The following SYCP1 variants were observed in gnomAD, a reference collection of about 807,000 sequenced individuals.
The protein encoded by SYCP1 is synaptonemal complex protein 1.
A neutral mutation model predicts 153.1 loss-of-function variants in SYCP1; 64 were observed. The ratio of observed to expected loss-of-function variants is 0.42; its 90% CI spans 0.34 to 0.51. SYCP1 has a LOEUF of 0.51. SYCP1 is among the 20% of genes least tolerant of loss of function. The probability of loss-of-function intolerance (pLI) is 0.06; values close to 1 mark genes in which losing one functional copy is unlikely to be tolerated. For synonymous variants in SYCP1, 384 were observed against 341.8 expected (o/e 1.12, Z -1.36); for missense variants, 997 against 1,049.0 (o/e 0.95, Z 0.68).
At chr1:114,957,736 A>G (rs1671530023) in intron 27 of SYCP1, among the ~76,000 whole-genome samples, 1 of 152,234 alleles carries the variant, frequency 6.6e-6, no homozygotes, top group African/African-American at 2.4e-5. Flanking sequence ...ACAATGAGAT[A>G]TAACCTCACA....
At chr1:114,909,495 T>TACACACAC (rs57520899) in intron 16 of SYCP1, among the ~76,000 whole-genome samples, 57 of 106,494 alleles carry the variant, frequency 5.4e-4, no homozygotes, top group East Asian at 3.4e-3. Context: ...TCCCTTGCTG[T>TACACACAC]ACACACACAC....
intron 23 of SYCP1, among the ~76,000 whole-genome samples, chr1:114,942,012 A>G (rs1670423278): frequency 6.6e-6 from 1 of 152,112 alleles, no homozygotes; most frequent in African/African-American, 2.4e-5. Context: ...TACTGAGAAT[A>G]TTTAGAATTG....
chr1:114,927,877 G>A (rs1266783487), intron 23 of SYCP1, among the ~76,000 whole-genome samples: 1 of 152,196 alleles, frequency 6.6e-6, no homozygotes, highest in Admixed American at 6.5e-5. Flanking sequence ...GGAGTGTGCA[G>A]TGGAGTGATC....
At chr1:114,991,748 G>A (rs905808602) in intron 30 of SYCP1, among the ~76,000 whole-genome samples, 4 of 151,708 alleles carry the variant, frequency 2.6e-5, no homozygotes, top group African/African-American at 7.3e-5. Context: ...TAAGAATGAG[G>A]CAGGGTGCCC....
In SYCP1 at chr1:114,860,829, T is replaced by G. The variant is rs1043338786; in HGVS notation, c.598+20T>G. The stretch of plus-strand genomic sequence containing the variant: ...AGAAATGTAAATATCTTTCTTGTTT[T>G]ATGTGATTTTATCAATTTATTTTAC... On this transcript the variant is annotated intron_variant, in intron 8 of 31. Transcript: ENST00000369522. The G allele has an allele frequency of 6.5e-7, 1 of 1,529,838 alleles. No individual in the cohort carries two copies. Among genetic ancestry groups the G allele is most frequent in the Admixed American group, 2.1e-5 (1 of 48,138 alleles). The allele number at this position is 1,529,838 out of a possible 1,614,324, so 94.8% of individuals were successfully genotyped here.
At chr1:114,858,796 T>A in intron 6 of SYCP1, 85 bp downstream of exon 6, 1 of 1,174,064 alleles carries the variant, frequency 8.5e-7, no homozygotes, top group Non-Finnish European at 1.2e-6. Flanking sequence ...TGGGATAAAT[T>A]GGATTGATCT....
chr1:114,948,082 A>G (rs1194252526), intron 27 of SYCP1, among the ~76,000 whole-genome samples: 2 of 152,030 alleles, frequency 1.3e-5, no homozygotes, highest in African/African-American at 2.4e-5. Context: ...AATATACTGT[A>G]TATGAGTAAT....
At chr1:114,940,422 A>G (rs1400821766) in intron 23 of SYCP1, among the ~76,000 whole-genome samples, 1 of 152,178 alleles carries the variant, frequency 6.6e-6, no homozygotes, top group African/African-American at 2.4e-5. Context: ...TTCTTAGATC[A>G]TTAATTTTCA....
At chr1:114,928,762 T>TA (rs979584215) in intron 23 of SYCP1, among the ~76,000 whole-genome samples, 4 of 152,198 alleles carry the variant, frequency 2.6e-5, no homozygotes, top group African/African-American at 9.7e-5. Flanking sequence ...AGTACAATAT[T>TA]AACACTTAAA....
chr1:114,921,094 C>G (rs1348447060), intron 20 of SYCP1, among the ~76,000 whole-genome samples: 1 of 151,676 alleles, frequency 6.6e-6, no homozygotes, highest in East Asian at 1.9e-4. Flanking sequence ...AGGCAATTTT[C>G]TTTGGTGGTA....
intron 16 of SYCP1, among the ~76,000 whole-genome samples, chr1:114,900,745 A>G (rs1285904622): frequency 1.3e-5 from 2 of 152,222 alleles, no homozygotes; most frequent in African/African-American, 4.8e-5. Context: ...GGAGCAGCTA[A>G]GGTTTGACTT....
intron 11 of SYCP1, 90 bp from the exon 12 acceptor site, chr1:114,878,004 A>T (rs1665659266): frequency 1.3e-6 from 1 of 764,316 alleles, no homozygotes; most frequent in Non-Finnish European, 2.0e-6. Context: ...AAGCATGTAG[A>T]CAAGTACATA....
At position 114,995,019 on chromosome 1, in the gene SYCP1, A is replaced by G; in HGVS notation, c.2931A>G (p.Ter977=). ...KLKEAEKLFV[*] ...AAGAAGCTGAAAAGTTATTTGTTTA[A>G]TTTCAGAGAATCAGTGTAGTTAAGG... Residue 977 remains the stop codon, a stop_retained_variant, in exon 32 of 32, where the codon TAA becomes TAG. Transcript: ENST00000369522. 1 of 1,596,232 alleles carries G rather than the reference A, an allele frequency of 6.3e-7. No individual in the cohort carries two copies. Among genetic ancestry groups the G allele is most frequent in the Non-Finnish European group, 8.5e-7 (1 of 1,173,048 alleles).
At chr1:114,876,668 TTTTG>T in intron 10 of SYCP1, 65 bp from the exon 11 acceptor site, 1 of 842,346 alleles carries the variant, frequency 1.2e-6, no homozygotes, top group South Asian at 3.1e-5. Context: ...AAACTTTAAA[TTTTG>T]TTTGTAATAG....
chr1:114,872,006 C>CTTTTTTTTTT (rs71582510), intron 8 of SYCP1, among the ~76,000 whole-genome samples: 7 of 127,182 alleles, frequency 5.5e-5, no homozygotes, highest in Non-Finnish European at 8.3e-5. Flanking sequence ...CTTTCTTTTT[C>CTTTTTTTTTT]TTTTTTTTTT....
chr1:114,886,752 C>G (rs1364045989), intron 14 of SYCP1, among the ~76,000 whole-genome samples: 1 of 151,718 alleles, frequency 6.6e-6, no homozygotes, highest in African/African-American at 2.4e-5. Flanking sequence ...ATTAAATTAA[C>G]CAATTAATCA....
intron 27 of SYCP1, among the ~76,000 whole-genome samples, chr1:114,966,148 T>C (rs1672113571): frequency 6.6e-6 from 1 of 152,182 alleles, no homozygotes; most frequent in Non-Finnish European, 1.5e-5. Flanking sequence ...TTTATAGTAT[T>C]CTCTGATGGT....
At chr1:114,927,239 T>C (rs901298928) in intron 23 of SYCP1, among the ~76,000 whole-genome samples, 2 of 152,128 alleles carry the variant, frequency 1.3e-5, no homozygotes, top group Admixed American at 6.5e-5. Flanking sequence ...TGATATTCTA[T>C]ATAAAAGTAG....
intron 18 of SYCP1, among the ~76,000 whole-genome samples, chr1:114,912,478 C>A (rs1200272833): frequency 1.3e-5 from 2 of 151,860 alleles, no homozygotes; most frequent in Non-Finnish European, 2.9e-5. Context: ...AGCAATACAG[C>A]AATAATCTCT....
Sources: allele counts gnomAD v4.1 joint callset (sites outside exome capture counted in the v4.1 genomes callset), GRCh38; gene constraint gnomAD v4.1.1; transcripts MANE v1.5; gene names NCBI Gene and HGNC (gene_info 2026-07-23, HGNC 2026-07-21).